TMEM74B: variants seen among roughly 807,000 people sequenced by gnomAD.
TMEM74B encodes transmembrane protein C20orf46.
In TMEM74B, 7 loss-of-function variants were observed where a neutral mutation model predicts 6.5. The observed-to-expected ratio is 1.07, with a 90% CI of 0.61 to 2.01. The LOEUF (loss-of-function observed/expected upper bound fraction) is 2.01, where lower values mean the gene tolerates loss of function less well. Ranked by LOEUF, TMEM74B falls within the 30% of genes most tolerant of loss-of-function variation. The probability of loss-of-function intolerance (pLI) is 0.00; values close to 1 mark genes in which losing one functional copy is unlikely to be tolerated. For missense variants in TMEM74B, 342 were observed against 337.0 expected (o/e 1.01, Z -0.12); for synonymous variants, 151 against 151.6 (o/e 1.00, Z 0.03).
At chr20:1,186,027 T>A (rs1361488649), upstream of TMEM74B, 2 of 151,690 alleles carry the variant, frequency 1.3e-5, no homozygotes, top group Admixed American at 6.6e-5. Context: ...CCAAGAGGGG[T>A]GTTCTCCTGG....
rs1435857503 is a variant in TMEM74B at position 1,181,682 on chromosome 20, G to A, written c.32-95C>T. The A allele has an allele frequency of 6.0e-6, 8 of 1,331,922 alleles. No individual in the cohort carries two copies. The highest frequency in any genetic ancestry group is 6.8e-6 in the Non-Finnish European group (7 of 1,031,840). The allele number at this position is 1,331,922 out of a possible 1,614,324, so 82.5% of individuals were successfully genotyped here. On this transcript the variant is annotated intron_variant, in intron 2 of 2. Coordinates refer to ENST00000429036, the MANE Select transcript of TMEM74B (RefSeq NM_001304748.2). The surrounding 1 kb of genome is among the most constrained non-coding windows in gnomAD (Gnocchi z 4.9). ...CCCTAAGCACATGAAGGTGAGTCAG[G>A]CACAATTCCCACTTGGGGGTGTCTG...
At chr20:1,182,255 G>C (rs1461625062) in intron 2 of TMEM74B, among the ~76,000 whole-genome samples, 1 of 152,118 alleles carries the variant, frequency 6.6e-6, no homozygotes, top group Non-Finnish European at 1.5e-5. Flanking sequence ...TCTGGGAGTT[G>C]GTGGCATTTG....
Position 1,180,974 on chromosome 20 carries a change from G to C in TMEM74B, c.645C>G (p.Gly215=), listed in dbSNP as rs371578452. 9 of 1,614,004 alleles carry C rather than the reference G, an allele frequency of 5.6e-6. No homozygotes were observed. Among genetic ancestry groups the C allele is most frequent in the African/African-American group, 1.3e-5 (1 of 74,920 alleles). Residue 215 remains glycine (G), a synonymous_variant, in exon 3 of 3, where the codon GGC becomes GGG. Transcript: ENST00000429036. The surrounding 1 kb of genome is among the most constrained non-coding windows in gnomAD (Gnocchi z 6.1). ...YRRRTFVPGK[G]SRKTYGSINL... is the part of the protein sequence containing the mutation. ...TAATGGAGCCGTAGGTCTTCCTGGA[G>C]CCCTTGCCGGGGACGAAGGTCCTCC...
At chr20:1,183,184 G>A (rs2086916706) in intron 2 of TMEM74B, among the ~76,000 whole-genome samples, 1 of 152,238 alleles carries the variant, frequency 6.6e-6, no homozygotes, top group Non-Finnish European at 1.5e-5. Flanking sequence ...CAGGTGCAGA[G>A]TGGCTCACAT....
Position 1,181,028 on chromosome 20 carries a change from G to A in TMEM74B, c.591C>T (p.Val197=). ...GGTACAGCTCGCCCTTGCACAGGGA[G>A]ACCATGAGCAGCACCGACAAGAGCA... ...GGMLLSVLLM[V]SLCKGELYRR... Residue 197 remains valine (V), a synonymous_variant, in exon 3 of 3, where the codon GTC becomes GTT. Coordinates refer to ENST00000429036, the MANE Select transcript of TMEM74B (RefSeq NM_001304748.2). The surrounding 1 kb of genome is among the most constrained non-coding windows in gnomAD (Gnocchi z 4.9). The A allele has an allele frequency of 6.2e-7, 1 of 1,613,820 alleles. No individual in the cohort carries two copies. The highest frequency in any genetic ancestry group is 8.5e-7 in the Non-Finnish European group (1 of 1,179,926).
rs765233716 is a variant in TMEM74B at position 1,180,878 on chromosome 20, T to G, written c.741A>C (p.Ser247=). Residue 247 remains serine (S), a synonymous_variant, in exon 3 of 3, where the codon TCA becomes TCC. Coordinates refer to ENST00000429036, the MANE Select transcript of TMEM74B (RefSeq NM_001304748.2). The surrounding 1 kb of genome is among the most constrained non-coding windows in gnomAD (Gnocchi z 6.1). ...ALVENEVVQV[S]ETSHTLQRS ...ACCTCTGGAGGGTGTGGCTAGTCTC[T>G]GAGACCTGGACAACTTCATTCTCCA... 1.2e-6 allele frequency: 2 copies of G among 1,605,332 alleles called. No individual in the cohort carries two copies. Among genetic ancestry groups the G allele is most frequent in the South Asian group, 2.2e-5 (2 of 90,274 alleles).
intron 2 of TMEM74B, among the ~76,000 whole-genome samples, chr20:1,183,536 T>C (rs904146995): frequency 1.3e-5 from 2 of 152,152 alleles, no homozygotes; most frequent in African/African-American, 4.8e-5. Context: ...TTTCTATCAC[T>C]ACGTCTCTCT....
In TMEM74B at chr20:1,181,835, C is replaced by T. The variant is rs897976426; in HGVS notation, c.32-248G>A. ...CTAATCCTGTCTGGCTTCAGTTTCCCCACCTATAAAATAATACTACTACTA... is the reference window on the plus strand; with the variant it reads ...CTAATCCTGTCTGGCTTCAGTTTCCTCACCTATAAAATAATACTACTACTA... On this transcript the variant is annotated intron_variant, in intron 2 of 2. Coordinates refer to ENST00000429036, the MANE Select transcript of TMEM74B (RefSeq NM_001304748.2). This position sits in a 1 kb window ranked among gnomAD's most constrained non-coding sequence, Gnocchi z 4.9. Among the ~76,000 whole-genome samples the T allele has an allele frequency of 6.6e-6, 1 of 152,136 alleles. No homozygotes were observed. The highest frequency in any genetic ancestry group is 1.5e-5 in the Non-Finnish European group (1 of 68,032).
upstream of TMEM74B, among the ~76,000 whole-genome samples, chr20:1,188,993 G>T (rs1169697176): frequency 1.3e-5 from 2 of 151,440 alleles, no homozygotes; most frequent in African/African-American, 4.9e-5. Context: ...GGGTGGCGGG[G>T]CGGGGGCGGG....
chr20:1,187,044 C>T (rs2087031529), upstream of TMEM74B, among the ~76,000 whole-genome samples: 2 of 152,184 alleles, frequency 1.3e-5, no homozygotes, highest in South Asian at 4.1e-4. Context: ...CGCTGTCCTA[C>T]CTCAGCCTTT....
upstream of TMEM74B, among the ~76,000 whole-genome samples, chr20:1,188,232 A>G (rs976440851): frequency 1.3e-4 from 19 of 149,492 alleles, 1 homozygote; most frequent in Admixed American, 1.3e-3. Flanking sequence ...GAGAGGGCCT[A>G]GAAGCAATGA....
Position 1,180,697 on chromosome 20 carries a change from G to C in TMEM74B, c.*151C>G. 9.1e-7 allele frequency: 1 copy of C among 1,094,216 alleles called. No individual in the cohort carries two copies. Among genetic ancestry groups the C allele is most frequent in the Non-Finnish European group, 1.2e-6 (1 of 810,188 alleles). The allele number at this position is 1,094,216 out of a possible 1,614,324, so 67.8% of individuals were successfully genotyped here. A position where few individuals can be genotyped will look rare whatever the true frequency, so the allele number is the denominator to read the frequency against. On this transcript the variant is annotated 3_prime_UTR_variant, in exon 3 of 3. Coordinates refer to ENST00000429036, the MANE Select transcript of TMEM74B (RefSeq NM_001304748.2). The surrounding 1 kb of genome is among the most constrained non-coding windows in gnomAD (Gnocchi z 6.1). ...GTGTGGGGCATGGGCTGGGCCCCGA[G>C]CTCTCCCTCCAGCACCCAGTACTTC...
chr20:1,183,399 A>G (rs1298857706), intron 2 of TMEM74B, among the ~76,000 whole-genome samples: 2 of 152,158 alleles, frequency 1.3e-5, no homozygotes, highest in Non-Finnish European at 2.9e-5. Context: ...AAAGAGCCTC[A>G]GTGCAGGAAG....
At chr20:1,183,302 G>C (rs1371276754) in intron 2 of TMEM74B, among the ~76,000 whole-genome samples, 2 of 150,148 alleles carry the variant, frequency 1.3e-5, no homozygotes, top group Non-Finnish European at 3.0e-5. Flanking sequence ...GTGTGTGTGT[G>C]TGTGTGTGTG....
In TMEM74B at chr20:1,181,355, A is replaced by C. The variant is rs757291193; in HGVS notation, c.264T>G (p.Pro88=). The C allele has an allele frequency of 4.5e-6, 7 of 1,565,546 alleles. No homozygotes were observed. The highest frequency in any genetic ancestry group is 1.7e-4 in the Middle Eastern group (1 of 5,816). Residue 88 remains proline, a synonymous_variant, in exon 3 of 3, where the codon CCT becomes CCG. Transcript: ENST00000429036. The surrounding 1 kb of genome is among the most constrained non-coding windows in gnomAD (Gnocchi z 4.9). ...ATCGGGGCAGTGAGGAGACACCCCC[A>C]GGGGGACTGGGTGAGCTGCCCAGTC... The part of the protein sequence containing the change: ...NTRLGSSPSP[P]GGVSSLPRSQ...
rs1442135474 is a variant in TMEM74B, at chr20:1,181,857, A to T, written c.32-270T>A. ...TCCCCACCTATAAAATAATACTACT[A>T]CTACCCTCTAGTTCGCAAAGCTGGA... On this transcript the variant is annotated intron_variant, in intron 2 of 2. Coordinates refer to ENST00000429036, the MANE Select transcript of TMEM74B (RefSeq NM_001304748.2). The surrounding 1 kb of genome is among the most constrained non-coding windows in gnomAD (Gnocchi z 4.9). Among the ~76,000 whole-genome samples the T allele has an allele frequency of 6.6e-6, 1 of 152,154 alleles. No individual in the cohort carries two copies.
upstream of TMEM74B, chr20:1,189,119 A>C (rs1281793579): frequency 6.6e-6 from 1 of 152,200 alleles, no homozygotes; most frequent in Non-Finnish European, 1.5e-5. This position sits in a 1 kb window ranked among gnomAD's most constrained non-coding sequence, Gnocchi z 4.5. Context: ...CTTGGATATG[A>C]TGCGGCACAA....
chr20:1,186,230 G>A (rs1157995857), upstream of TMEM74B: 1 of 152,290 alleles, frequency 6.6e-6, no homozygotes, highest in Non-Finnish European at 1.5e-5. Flanking sequence ...TCCTCCATCG[G>A]ATTGGCAGCT....
Position 1,183,784 on chromosome 20 carries a change from C to G in TMEM74B, c.18G>C (p.Gly6=), listed in dbSNP as rs2086944758. The G allele has an allele frequency of 6.2e-7, 1 of 1,613,972 alleles. No homozygotes were observed. Among genetic ancestry groups the G allele is most frequent in the Non-Finnish European group, 8.5e-7 (1 of 1,180,014 alleles). Residue 6 remains glycine, a synonymous_variant, in exon 2 of 3, where the codon GGG becomes GGC. Transcript: ENST00000429036. ...TCATGTACAAACCTGCAAACTCATACCCCTGTGCTGGTGGCATCACTCCAC... is the reference window on the plus strand; with the variant it reads ...TCATGTACAAACCTGCAAACTCATAGCCCTGTGCTGGTGGCATCACTCCAC... MPPAQ[G]YEFAAAKGPR...
Sources: gnomAD v4.1 joint callset for allele counts (sites outside exome capture counted in the v4.1 genomes callset) on GRCh38, gnomAD v4.1.1 for gene constraint, Gnocchi (gnomAD v3.1) non-coding constraint, MANE v1.5 for transcripts, NCBI Gene and HGNC (gene_info 2026-07-23, HGNC 2026-07-21) for gene names.